The following NIPA2 variants were observed in gnomAD, a reference collection of about 807,000 sequenced individuals.
The protein encoded by NIPA2 is magnesium transporter NIPA2.
Under a neutral mutation model 29.7 loss-of-function variants are expected in NIPA2, and 11 were observed. The ratio of observed to expected loss-of-function variants is 0.37; its 90% CI spans 0.23 to 0.61. The LOEUF is 0.61. Among genes scored for constraint, NIPA2 ranks in the 20% least tolerant of loss-of-function variants. NIPA2 has a pLI of 0.66. For missense variants in NIPA2, 426 were observed against 437.9 expected, an observed-to-expected ratio of 0.97 and a Z score of 0.24; for synonymous variants, 183 against 161.9, an observed-to-expected ratio of 1.13 and a Z score of -0.99.
intron 2 of NIPA2, among the ~76,000 whole-genome samples, chr15:22,844,415 G>A (rs777170057): frequency 6.6e-6 from 1 of 152,020 alleles, no homozygotes; most frequent in Non-Finnish European, 1.5e-5. Context: ...TTAGCCGGGT[G>A]TGGCAGTACA....
intron 5 of NIPA2, among the ~76,000 whole-genome samples, chr15:22,857,190 G>A (rs2058243753): frequency 1.3e-5 from 2 of 152,158 alleles, no homozygotes; most frequent in African/African-American, 4.8e-5. Flanking sequence ...CAGCACTTTG[G>A]GAGGCTGAGG....
intron 3 of NIPA2, among the ~76,000 whole-genome samples, chr15:22,846,840 A>T (rs62008590): frequency 0.22 from 29,491 of 134,608 alleles, 3,388 homozygotes; most frequent in Admixed American, 0.3. Context: ...TAATAATAAT[A>T]ATTATTATTA....
chr15:22,852,460 C>A (rs1383306721), intron 4 of NIPA2, among the ~76,000 whole-genome samples: 1 of 100,170 alleles, frequency 1.0e-5, no homozygotes, highest in African/African-American at 4.0e-5. Flanking sequence ...CAGAGTGAGA[C>A]TCCGTCTAAA....
intron 2 of NIPA2, among the ~76,000 whole-genome samples, chr15:22,842,643 A>T (rs142294168): frequency 0.024 from 3,608 of 152,174 alleles, 200 homozygotes; most frequent in East Asian, 0.23. Context: ...AGCCTGACCA[A>T]CATGGCGAAA....
At chr15:22,866,095 A>G in intron 7 of NIPA2, 118 bp from the exon 8 acceptor site, 1 of 826,050 alleles carries the variant, frequency 1.2e-6, no homozygotes, top group East Asian at 2.7e-5. Context: ...AATAAAGCTG[A>G]TTTTTATTTC....
At chr15:22,842,990 G>T (rs535961521) in intron 2 of NIPA2, among the ~76,000 whole-genome samples, 1 of 149,988 alleles carries the variant, frequency 6.7e-6, no homozygotes, top group South Asian at 2.1e-4. Flanking sequence ...GCAACAGAGT[G>T]AGACTCTGTC....
chr15:22,841,272 G>C (rs1391263434), intron 2 of NIPA2, among the ~76,000 whole-genome samples: 1 of 152,138 alleles, frequency 6.6e-6, no homozygotes, highest in Admixed American at 6.5e-5. Context: ...AATTTGCAAA[G>C]ATTTATCTGT....
intron 4 of NIPA2, among the ~76,000 whole-genome samples, chr15:22,852,238 G>A (rs1045060056): frequency 3.3e-5 from 5 of 152,064 alleles, no homozygotes; most frequent in Admixed American, 6.6e-5. Flanking sequence ...AGGCTGAGGC[G>A]GGTGGATCAC....
chr15:22,857,712 C>CT (rs967730490), intron 5 of NIPA2, among the ~76,000 whole-genome samples: 1 of 151,770 alleles, frequency 6.6e-6, no homozygotes, highest in Non-Finnish European at 1.5e-5. Flanking sequence ...TGGCGCCCGC[C>CT]TGTAGTCCCA....
intron 7 of NIPA2, among the ~76,000 whole-genome samples, chr15:22,861,855 C>T (rs1263340321): frequency 6.6e-6 from 1 of 152,090 alleles, no homozygotes; most frequent in Non-Finnish European, 1.5e-5. Context: ...CCATCTCAGC[C>T]TTCCAAGTAG....
chr15:22,863,698 A>G (rs1049326291), intron 7 of NIPA2, among the ~76,000 whole-genome samples: 2 of 152,114 alleles, frequency 1.3e-5, no homozygotes, highest in African/African-American at 2.4e-5. Context: ...GGCAGCCCCA[A>G]ATTCCAACTT....
At chr15:22,865,715 A>G (rs1188579691) in intron 7 of NIPA2, among the ~76,000 whole-genome samples, 2 of 152,070 alleles carry the variant, frequency 1.3e-5, no homozygotes, top group Non-Finnish European at 2.9e-5. Context: ...TTCAACCAGA[A>G]CCCCAGTAGT....
chr15:22,842,996 C>CT (rs1595248264), intron 2 of NIPA2, among the ~76,000 whole-genome samples: 1 of 147,554 alleles, frequency 6.8e-6, no homozygotes, highest in South Asian at 2.1e-4. Context: ...GAGTGAGACT[C>CT]TGTCTCAAAA....
intron 5 of NIPA2, among the ~76,000 whole-genome samples, chr15:22,857,597 G>A (rs2058281266): frequency 6.6e-6 from 1 of 151,926 alleles, no homozygotes; most frequent in Non-Finnish European, 1.5e-5. Context: ...AGCACTTTGG[G>A]AGGCTGAGGT....
intron 3 of NIPA2, among the ~76,000 whole-genome samples, chr15:22,848,854 A>G (rs1042110233): frequency 2.0e-5 from 3 of 149,922 alleles, no homozygotes; most frequent in African/African-American, 7.4e-5. Flanking sequence ...AAAAAAAAGA[A>G]TTACTCCATT....
At chr15:22,853,323 G>C (rs1363911511) in intron 5 of NIPA2, 55 bp downstream of exon 5, 7 of 1,131,048 alleles carry the variant, frequency 6.2e-6, no homozygotes, top group Non-Finnish European at 7.9e-6. Flanking sequence ...TAAAATATTT[G>C]CATATGGTAT....
At chr15:22,848,023 C>T (rs933912790) in intron 3 of NIPA2, among the ~76,000 whole-genome samples, 1 of 150,942 alleles carries the variant, frequency 6.6e-6, no homozygotes. Flanking sequence ...GTCTCGAACT[C>T]CCGACCTCAG....
intron 5 of NIPA2, among the ~76,000 whole-genome samples, chr15:22,857,836 C>CAAAAAAA (rs60523225): frequency 1.5e-5 from 1 of 68,788 alleles, no homozygotes; most frequent in African/African-American, 5.0e-5. Context: ...GACTCCATCT[C>CAAAAAAA]AAAAAAAAAA....
intron 5 of NIPA2, among the ~76,000 whole-genome samples, chr15:22,854,152 A>G (rs1195810814): frequency 1.4e-5 from 2 of 146,084 alleles, no homozygotes; most frequent in Non-Finnish European, 3.0e-5. Context: ...TTTTTGAGAC[A>G]CAGTCTTGCT....
Sources: allele counts gnomAD v4.1 joint callset (sites outside exome capture counted in the v4.1 genomes callset), GRCh38; gene constraint gnomAD v4.1.1; transcripts MANE v1.5; gene names NCBI Gene and HGNC (gene_info 2026-07-23, HGNC 2026-07-21).